Variants in GALNTL6 observed in about 807,000 individuals in gnomAD.
The protein encoded by GALNTL6 is polypeptide N-acetylgalactosaminyltransferase like 6, also known as polypeptide N-acetylgalactosaminyltransferase-like 6.
Under a neutral mutation model 73.7 loss-of-function variants are expected in GALNTL6, and 46 were observed. The ratio of observed to expected loss-of-function variants is 0.62; its 90% CI spans 0.49 to 0.80. The LOEUF (loss-of-function observed/expected upper bound fraction) is 0.80. Among genes scored for constraint, GALNTL6 ranks in the 30% least tolerant of loss-of-function variants. GALNTL6 has a pLI of 0.00. For missense variants in GALNTL6, 604 were observed against 755.0 expected (o/e 0.80, Z 2.34); for synonymous variants, 259 against 263.7 (o/e 0.98, Z 0.17).
intron 2 of GALNTL6, among the ~76,000 whole-genome samples, chr4:172,049,600 A>G (rs1420203775): frequency 2.0e-5 from 3 of 152,172 alleles, no homozygotes; most frequent in Non-Finnish European, 4.4e-5. Flanking sequence ...ATTGATTTCT[A>G]TTTTACGTGG....
chr4:172,713,211 A>G (rs1734822260), intron 5 of GALNTL6, among the ~76,000 whole-genome samples: 1 of 148,960 alleles, frequency 6.7e-6, no homozygotes, highest in South Asian at 2.1e-4. Flanking sequence ...AGAGAACAAC[A>G]AAAGAATAAG....
Position 172,184,790 on chromosome 4 carries a change from A to C in GALNTL6, c.139-44866A>C, listed in dbSNP as rs536773584. Among the ~76,000 whole-genome samples, 5 of 152,294 alleles carry C rather than the reference A, an allele frequency of 3.3e-5. No individual in the cohort carries two copies. In the East Asian group the frequency reaches 9.6e-4, roughly 29 times the overall value. ...CACAATTCAAGATCGAGGGATTGGC[A>C]TTGTTGAAGAATGGCAAAAGGTAGA... On this transcript the variant is annotated intron_variant, in intron 2 of 12. Transcript: ENST00000506823.
intron 4 of GALNTL6, among the ~76,000 whole-genome samples, chr4:172,346,988 CTTT>C (rs34332250): frequency 2.6e-5 from 3 of 114,404 alleles, no homozygotes; most frequent in African/African-American, 3.5e-5. Flanking sequence ...TGTTTTCTTT[CTTT>C]TTTTTTTTTT....
chr4:172,182,952 T>A (rs1735300907), intron 2 of GALNTL6, among the ~76,000 whole-genome samples: 1 of 152,150 alleles, frequency 6.6e-6, no homozygotes, highest in African/African-American at 2.4e-5. Flanking sequence ...GCTCAAGGCC[T>A]TTGGGAAGTT....
chr4:171,978,344 G>T (rs1377571375), intron 2 of GALNTL6, among the ~76,000 whole-genome samples: 1 of 152,108 alleles, frequency 6.6e-6, no homozygotes, highest in Non-Finnish European at 1.5e-5. Flanking sequence ...TTCTCATTGG[G>T]TGAGACTTTT....
intron 5 of GALNTL6, among the ~76,000 whole-genome samples, chr4:172,740,190 C>G (rs918418220): frequency 6.6e-6 from 1 of 152,128 alleles, no homozygotes; most frequent in Non-Finnish European, 1.5e-5. Flanking sequence ...TATACCTTCA[C>G]TTCCACATTG....
At chr4:172,533,712 A>C (rs1463722339) in intron 5 of GALNTL6, among the ~76,000 whole-genome samples, 1 of 152,172 alleles carries the variant, frequency 6.6e-6, no homozygotes, top group Non-Finnish European at 1.5e-5. Context: ...CTAAACTATA[A>C]GTTAGGTCAT....
intron 5 of GALNTL6, among the ~76,000 whole-genome samples, chr4:172,659,695 A>C (rs2111175502): frequency 6.6e-6 from 1 of 152,320 alleles, no homozygotes; most frequent in South Asian, 2.1e-4. Flanking sequence ...GTTGCTGTGA[A>C]GGTTTTCTAT....
chr4:172,803,741 T>A (rs1278224941), intron 5 of GALNTL6, among the ~76,000 whole-genome samples: 1 of 152,244 alleles, frequency 6.6e-6, no homozygotes, highest in South Asian at 2.1e-4. Context: ...TTTTATCTAT[T>A]TATTTTTTTC....
At chr4:172,991,549 G>A (rs1751546231) in intron 10 of GALNTL6, among the ~76,000 whole-genome samples, 1 of 151,852 alleles carries the variant, frequency 6.6e-6, no homozygotes, top group African/African-American at 2.4e-5. Flanking sequence ...ACAGGGGCAT[G>A]CCACCACACT....
chr4:172,122,661 C>T (rs1205131039), intron 2 of GALNTL6, among the ~76,000 whole-genome samples: 3 of 152,210 alleles, frequency 2.0e-5, no homozygotes, highest in African/African-American at 7.2e-5. Context: ...GCCCCTAACT[C>T]AGTTATCTCC....
intron 5 of GALNTL6, among the ~76,000 whole-genome samples, chr4:172,392,108 C>T (rs1743683944): frequency 6.6e-6 from 1 of 152,052 alleles, no homozygotes; most frequent in African/African-American, 2.4e-5. Context: ...CCTGCCTCAG[C>T]CTCCGGAGTA....
chr4:171,996,964 T>A (rs2110750078), intron 2 of GALNTL6, among the ~76,000 whole-genome samples: 1 of 152,248 alleles, frequency 6.6e-6, no homozygotes, highest in East Asian at 1.9e-4. Context: ...GACAGAGGCA[T>A]AACAAACAAC....
intron 5 of GALNTL6, among the ~76,000 whole-genome samples, chr4:172,691,503 A>G (rs545575559): frequency 1.3e-5 from 2 of 152,352 alleles, no homozygotes; most frequent in African/African-American, 2.4e-5. Flanking sequence ...TAGGAGTACC[A>G]TAAATAATGT....
intron 7 of GALNTL6, among the ~76,000 whole-genome samples, chr4:172,830,292 T>C (rs998084104): frequency 6.6e-6 from 1 of 152,128 alleles, no homozygotes; most frequent in Admixed American, 6.5e-5. Context: ...AGATGACCAA[T>C]AGAGCAAATC....
intron 5 of GALNTL6, among the ~76,000 whole-genome samples, chr4:172,467,928 T>C (rs531425957): frequency 6.7e-6 from 1 of 148,928 alleles, no homozygotes; most frequent in Non-Finnish European, 1.5e-5. Flanking sequence ...AGGATCTTGC[T>C]CTGCCACCCA....
intron 2 of GALNTL6, among the ~76,000 whole-genome samples, chr4:171,986,108 A>G (rs929897114): frequency 1.3e-5 from 2 of 149,586 alleles, no homozygotes; most frequent in African/African-American, 4.9e-5. Flanking sequence ...TGATAGTTTC[A>G]CTCACGTCCA....
At chr4:172,963,566 G>A (rs57813446) in intron 10 of GALNTL6, among the ~76,000 whole-genome samples, 5,863 of 152,214 alleles carry the variant, frequency 0.039, 251 homozygotes, top group African/African-American at 0.1. Context: ...AATATTTGTT[G>A]AATGAATGAA....
In GALNTL6 at chr4:172,932,659, A is replaced by C. The variant is rs1429628518; in HGVS notation, c.1149+1391A>C. On this transcript the variant is annotated intron_variant, in intron 9 of 12. Transcript: ENST00000506823. The stretch of plus-strand genomic sequence containing the variant: ...GATATTCACATATACATAATGAGAT[A>C]TCTTGGGGATAAGACCCAAGTCTAA... Among the ~76,000 whole-genome samples, 3 of 152,234 alleles carry C rather than the reference A, an allele frequency of 2.0e-5. No individual in the cohort carries two copies. In the East Asian group the frequency reaches 5.8e-4, roughly 29 times the overall value.
Sources: gnomAD v4.1 joint callset for allele counts (sites outside exome capture counted in the v4.1 genomes callset) on GRCh38, gnomAD v4.1.1 for gene constraint, MANE v1.5 for transcripts, NCBI Gene and HGNC (gene_info 2026-07-23, HGNC 2026-07-21) for gene names.